The following APP variants were observed in gnomAD, a reference collection of about 807,000 sequenced individuals.
APP encodes amyloid-beta precursor protein.
In APP, 31 loss-of-function variants were observed where a neutral mutation model predicts 101.4. That is an observed-to-expected ratio of 0.31 (90% confidence interval 0.23 to 0.41). The LOEUF (loss-of-function observed/expected upper bound fraction) is 0.41. Ranked by LOEUF, APP falls within the 10% of genes least tolerant of loss-of-function variation. APP has a pLI of 1.00. For synonymous variants in APP, 366 were observed against 364.4 expected (o/e 1.00, Z -0.05); for missense variants, 839 against 1,003.7 (o/e 0.84, Z 2.22).
chr21:26,121,017 G>A (rs1034656380), intron 1 of APP, among the ~76,000 whole-genome samples: 6 of 152,156 alleles, frequency 3.9e-5, no homozygotes, highest in African/African-American at 1.2e-4. Context: ...CGGGAGGTAG[G>A]TATGTATGCA....
In APP at chr21:25,881,060, A is replaced by G. The variant is rs1289777520; in HGVS notation, c.*610T>C. On this transcript the variant is annotated 3_prime_UTR_variant, in exon 18 of 18. Coordinates refer to ENST00000346798, the MANE Select transcript of APP (RefSeq NM_000484.4). Reference sequence around the variant, plus strand: ...TCAATGCCTAATGTGTGCACATAAAACAGGCACGAAGAAACAAACGTGTGT... The same window carrying G: ...TCAATGCCTAATGTGTGCACATAAAGCAGGCACGAAGAAACAAACGTGTGT... 1 of 155,224 alleles carries G rather than the reference A, an allele frequency of 6.4e-6. No homozygotes were observed. The highest frequency in any genetic ancestry group is 2.4e-5 in the African/African-American group (1 of 41,458). The allele number at this position is 155,224 out of a possible 1,614,324, so 9.6% of individuals were successfully genotyped here.
At chr21:25,954,361 A>T (rs2041219519) in intron 13 of APP, among the ~76,000 whole-genome samples, 1 of 152,258 alleles carries the variant, frequency 6.6e-6, no homozygotes, top group African/African-American at 2.4e-5. Context: ...AATTATTACA[A>T]AACTATACCC....
intron 6 of APP, among the ~76,000 whole-genome samples, chr21:26,012,383 T>C (rs890194851): frequency 6.6e-6 from 1 of 152,132 alleles, no homozygotes; most frequent in African/African-American, 2.4e-5. Flanking sequence ...GGGATTCTCT[T>C]GAGCATCATT....
chr21:26,096,246 T>C (rs561401674), intron 2 of APP, among the ~76,000 whole-genome samples: 9 of 152,296 alleles, frequency 5.9e-5, no homozygotes, highest in African/African-American at 1.9e-4. Context: ...CTCACATCGC[T>C]ATTAAGTTTG....
chr21:25,982,470 T>C lies in APP; in HGVS notation c.1098A>G (p.Thr366=), dbSNP rs769143039. The C allele has an allele frequency of 1.2e-6, 2 of 1,613,746 alleles. No homozygotes were observed. Among genetic ancestry groups the C allele is most frequent in the East Asian group, 2.2e-5 (1 of 44,866 alleles). Reference sequence around the variant, plus strand: ...CGGCATCAGGGGTACTGGCTGCTGTTGTAGGAACTATAAAGTAGAAGAGAA... The same window carrying C: ...CGGCATCAGGGGTACTGGCTGCTGTCGTAGGAACTATAAAGTAGAAGAGAA... ...PLARDPVKLP[T]TAASTPDAVD... Residue 366 remains threonine (T), a synonymous_variant, in exon 9 of 18, where the codon ACA becomes ACG. Transcript: ENST00000346798.
At chr21:25,988,456 C>T (rs1239301405) in intron 8 of APP, among the ~76,000 whole-genome samples, 1 of 152,056 alleles carries the variant, frequency 6.6e-6, no homozygotes, top group Non-Finnish European at 1.5e-5. Context: ...AATCCCAGCA[C>T]TTTGGGAGTC....
chr21:26,067,264 G>A (rs1568933007), intron 3 of APP, among the ~76,000 whole-genome samples: 2 of 152,096 alleles, frequency 1.3e-5, no homozygotes, highest in Admixed American at 1.3e-4. Context: ...TTCTACATTT[G>A]TTTTTTTCTC....
intron 17 of APP, among the ~76,000 whole-genome samples, chr21:25,887,423 T>C (rs1422913910): frequency 6.6e-6 from 1 of 151,130 alleles, no homozygotes; most frequent in Non-Finnish European, 1.5e-5. Context: ...AAGGCACAGT[T>C]ACCTCCTTGG....
In APP at chr21:25,921,033, C is replaced by A. The variant is rs1467472268; in HGVS notation, c.1688-9071G>T. Reference sequence around the variant, plus strand: ...CAGAAATTATAACAAACTATCTCTCCGACCACAGTGCAATCAAACTAGAAC... The same window carrying A: ...CAGAAATTATAACAAACTATCTCTCAGACCACAGTGCAATCAAACTAGAAC... On this transcript the variant is annotated intron_variant, in intron 13 of 17. Coordinates refer to ENST00000346798, the MANE Select transcript of APP (RefSeq NM_000484.4). Among the ~76,000 whole-genome samples the A allele has an allele frequency of 4.6e-3, 658 of 141,614 alleles. 5 individuals carry two copies. The highest frequency in any genetic ancestry group is 0.019 in the African/African-American group (613 of 32,942). The allele number at this position is 141,614 out of a possible 152,430, so 92.9% of individuals were successfully genotyped here. A position where few individuals can be genotyped will look rare whatever the true frequency, so the allele number is the denominator to read the frequency against.
At chr21:26,120,940 T>G (rs576294417) in intron 1 of APP, among the ~76,000 whole-genome samples, 2 of 151,860 alleles carry the variant, frequency 1.3e-5, no homozygotes, top group East Asian at 3.9e-4. Flanking sequence ...AAGCCATATG[T>G]GTTGAAATCT....
At chr21:26,031,727 G>C (rs1401959192) in intron 5 of APP, among the ~76,000 whole-genome samples, 1 of 152,046 alleles carries the variant, frequency 6.6e-6, no homozygotes, top group Non-Finnish European at 1.5e-5. Context: ...ACAACATGTG[G>C]GAATTCTGGG....
In APP at chr21:26,166,633, CAT is replaced by C. The variant is rs759392334; in HGVS notation, c.57+3929_57+3930del. The stretch of plus-strand genomic sequence containing the variant: ...AAAAAAAAAAGATTTCATAATCAAG[CAT>C]AGTCAAGTGAAACAGAGAGAGGTTG... On this transcript the variant is annotated intron_variant, in intron 1 of 17. Transcript: ENST00000346798. 3.2e-4 allele frequency among the ~76,000 whole-genome samples: 49 copies of C among 152,140 alleles called. 1 individual carries two copies. The highest frequency in any genetic ancestry group is 1.2e-3 in the African/African-American group (49 of 41,496).
rs149673337 is a variant in APP at position 25,897,128 on chromosome 21, T to C, written c.2064+445A>G. 3.9e-3 allele frequency among the ~76,000 whole-genome samples: 588 copies of C among 150,762 alleles called. 5 individuals carry two copies. The highest frequency in any genetic ancestry group is 0.01 in the Middle Eastern group (3 of 294). ...AAGAACTATACATACAGCCTCTTTCTTTTCTTTTTTTTTTTTGGGATGGAG... is the reference window on the plus strand; with the variant it reads ...AAGAACTATACATACAGCCTCTTTCCTTTCTTTTTTTTTTTTGGGATGGAG... On this transcript the variant is annotated intron_variant, in intron 16 of 17. Transcript: ENST00000346798.
chr21:26,108,384 A>G (rs1200901514), intron 2 of APP, among the ~76,000 whole-genome samples: 1 of 152,154 alleles, frequency 6.6e-6, no homozygotes, highest in African/African-American at 2.4e-5. Flanking sequence ...TCTATCTTAC[A>G]CTTATAGCAC....
At chr21:25,886,164 A>G (rs1423150470) in intron 17 of APP, among the ~76,000 whole-genome samples, 1 of 152,076 alleles carries the variant, frequency 6.6e-6, no homozygotes, top group Non-Finnish European at 1.5e-5. Context: ...AGGAGCCACA[A>G]GTCTGCGGAA....
intron 13 of APP, among the ~76,000 whole-genome samples, chr21:25,952,500 A>G (rs2041133396): frequency 6.6e-6 from 1 of 152,096 alleles, no homozygotes; most frequent in Admixed American, 6.6e-5. Flanking sequence ...AATATTCAAG[A>G]TATCTGAACC....
intron 11 of APP, among the ~76,000 whole-genome samples, chr21:25,957,989 T>C (rs1569105839): frequency 6.6e-6 from 1 of 151,620 alleles, no homozygotes; most frequent in African/African-American, 2.4e-5. Flanking sequence ...GTCTTTTAAT[T>C]AAAAAAAACA....
chr21:26,051,639 T>G (rs764309194), intron 4 of APP, among the ~76,000 whole-genome samples: 7 of 152,202 alleles, frequency 4.6e-5, no homozygotes, highest in Non-Finnish European at 1.0e-4. Flanking sequence ...ATCCTAGAAA[T>G]TCTGACTCTC....
chr21:26,026,375 G>C (rs138176347), intron 5 of APP, among the ~76,000 whole-genome samples: 1 of 152,124 alleles, frequency 6.6e-6, no homozygotes, highest in South Asian at 2.1e-4. Context: ...ACATTCCTAC[G>C]AGGAAATAAA....
Sources: gnomAD v4.1 joint callset for allele counts (sites outside exome capture counted in the v4.1 genomes callset) on GRCh38, gnomAD v4.1.1 for gene constraint, MANE v1.5 for transcripts, NCBI Gene and HGNC (gene_info 2026-07-23, HGNC 2026-07-21) for gene names.